APBA1: variants seen among roughly 807,000 people sequenced by gnomAD.
The protein encoded by APBA1 is amyloid beta precursor protein binding family A member 1.
A neutral mutation model predicts 86.6 loss-of-function variants in APBA1; 55 were observed. That is an observed-to-expected ratio of 0.64 (90% CI 0.51 to 0.80). APBA1 has a LOEUF of 0.80. APBA1 is among the 30% of genes least tolerant of loss of function. APBA1 has a pLI of 0.00. For missense variants in APBA1, 1,090 were observed against 1,183.0 expected (o/e 0.92, Z 1.15); for synonymous variants, 511 against 493.9 (o/e 1.03, Z -0.46).
At chr9:69,529,644 GT>G (rs1168727420) in intron 1 of APBA1, among the ~76,000 whole-genome samples, 5 of 152,066 alleles carry the variant, frequency 3.3e-5, no homozygotes, top group Non-Finnish European at 1.5e-5. Flanking sequence ...TCCAAATGTG[GT>G]TTTGAAGATC....
At chr9:69,477,472 G>A (rs1475184200) in intron 2 of APBA1, among the ~76,000 whole-genome samples, 11 of 123,714 alleles carry the variant, frequency 8.9e-5, no homozygotes, top group Admixed American at 8.4e-4. Flanking sequence ...AGGGTCCTAC[G>A]CCCACGGAGT....
chr9:69,658,893 T>C (rs1020696261), intron 1 of APBA1, among the ~76,000 whole-genome samples: 1 of 152,052 alleles, frequency 6.6e-6, no homozygotes, highest in Non-Finnish European at 1.5e-5. Context: ...ACCAACCCCA[T>C]AGATTCAGGC....
At chr9:69,595,853 T>A (rs187158185) in intron 1 of APBA1, among the ~76,000 whole-genome samples, 56 of 152,258 alleles carry the variant, frequency 3.7e-4, no homozygotes, top group Admixed American at 2.0e-3. Flanking sequence ...CACACCGGTT[T>A]TCAAACTGTG....
chr9:69,656,914 T>C lies in APBA1; in HGVS notation c.-70+15239A>G, dbSNP rs182187741. On this transcript the variant is annotated intron_variant, in intron 1 of 12. Transcript: ENST00000265381. ...ACTGCGGACTGCAGTGGCGCTGTCT[T>C]GGCTCACTGCAAGCTCCGCTTCCCG... Among the ~76,000 whole-genome samples, 487 of 151,494 alleles carry C rather than the reference T, an allele frequency of 3.2e-3. 4 individuals carry two copies. Among genetic ancestry groups the C allele is most frequent in the African/African-American group, 0.011 (460 of 41,092 alleles).
At chr9:69,570,861 A>T (rs1054534503) in intron 1 of APBA1, among the ~76,000 whole-genome samples, 18 of 152,114 alleles carry the variant, frequency 1.2e-4, no homozygotes. Flanking sequence ...TAGAACTTCC[A>T]TTTTCCCTCT....
intron 1 of APBA1, among the ~76,000 whole-genome samples, chr9:69,600,806 T>TAATTAATAAATA (rs1554705349): frequency 1.4e-5 from 2 of 143,684 alleles, no homozygotes; most frequent in African/African-American, 5.2e-5. Context: ...CAAAAAATAA[T>TAATTAATAAATA]AATAAATAAA....
intron 2 of APBA1, among the ~76,000 whole-genome samples, chr9:69,497,238 G>GCA (rs1835813632): frequency 2.0e-5 from 3 of 152,090 alleles, no homozygotes; most frequent in Non-Finnish European, 4.4e-5. Flanking sequence ...GCAGCACAAA[G>GCA]GCGGTTGAGA....
rs375280475 is a variant in APBA1 at position 69,441,030 on chromosome 9, C to G, written c.2267G>C (p.Arg756Pro). 1 of 1,613,914 alleles carries G rather than the reference C, an allele frequency of 6.2e-7. No individual in the cohort carries two copies. The highest frequency in any genetic ancestry group is 8.5e-7 in the Non-Finnish European group (1 of 1,180,014). The change falls in exon 11 of 13, where the codon CGC becomes CCC. Residue 756 changes from arginine (R) to proline (P), a missense_variant. By Grantham distance (103) the Arg-to-Pro change is moderately radical (BLOSUM62 -2). Around this residue, in one of 6 missense-constraint regions of APBA1, gnomAD observed 119 missense variants for 124.8 expected, o/e 0.95. Transcript: ENST00000265381. ...TTVLIRRPDL[R>P]YQLGFSVQNG... Reference sequence around the variant, plus strand: ...CTGGACGCTGAAACCGAGCTGGTAGCGAAGGTCTGGTCTTCTGATTAACAC... The same window carrying G: ...CTGGACGCTGAAACCGAGCTGGTAGGGAAGGTCTGGTCTTCTGATTAACAC...
intron 2 of APBA1, among the ~76,000 whole-genome samples, chr9:69,505,683 T>G (rs1181638981): frequency 6.6e-6 from 1 of 152,100 alleles, no homozygotes; most frequent in Non-Finnish European, 1.5e-5. Flanking sequence ...CTCGAATGAT[T>G]CTGTTGCCTA....
At chr9:69,634,315 G>C (rs1422627842) in intron 1 of APBA1, among the ~76,000 whole-genome samples, 1 of 152,158 alleles carries the variant, frequency 6.6e-6, no homozygotes, top group Non-Finnish European at 1.5e-5. Flanking sequence ...CAGAACTCAG[G>C]TGGCACCCAT....
At chr9:69,568,619 C>G (rs1416384433) in intron 1 of APBA1, among the ~76,000 whole-genome samples, 1 of 152,146 alleles carries the variant, frequency 6.6e-6, no homozygotes, top group Non-Finnish European at 1.5e-5. Flanking sequence ...AAGTGTGAAA[C>G]TCATTCATAT....
intron 2 of APBA1, among the ~76,000 whole-genome samples, chr9:69,515,240 C>A (rs1035115842): frequency 6.6e-6 from 1 of 152,174 alleles, no homozygotes; most frequent in Admixed American, 6.5e-5. Flanking sequence ...TCCACATTCC[C>A]ATTCTTTCTT....
At chr9:69,562,747 A>G (rs529159766) in intron 1 of APBA1, among the ~76,000 whole-genome samples, 65 of 152,292 alleles carry the variant, frequency 4.3e-4, no homozygotes, top group African/African-American at 1.5e-3. Context: ...AACCAACAAT[A>G]CATTATGTAT....
intron 2 of APBA1, among the ~76,000 whole-genome samples, chr9:69,511,725 A>G (rs1029351527): frequency 2.6e-5 from 4 of 151,654 alleles, no homozygotes; most frequent in African/African-American, 9.7e-5. Context: ...CATATACACC[A>G]TGGAATACTA....
At position 69,577,068 on chromosome 9, in the gene APBA1, G is replaced by A. The variant is rs114130298; in HGVS notation, c.-69-59789C>T. Among the ~76,000 whole-genome samples the A allele has an allele frequency of 8.0e-3, 1,221 of 152,160 alleles. 14 individuals are homozygous for A. The highest frequency in any genetic ancestry group is 0.028 in the African/African-American group (1,153 of 41,510). On this transcript the variant is annotated intron_variant, in intron 1 of 12. Coordinates refer to ENST00000265381, the MANE Select transcript of APBA1 (RefSeq NM_001163.4). ...TGTTTTGATATGTATAAAGTATAGTGATCAGATCAGGGTAATTAGCATATC... is the reference window on the plus strand; with the variant it reads ...TGTTTTGATATGTATAAAGTATAGTAATCAGATCAGGGTAATTAGCATATC...
chr9:69,530,343 C>CAT (rs1564068284), intron 1 of APBA1, among the ~76,000 whole-genome samples: 40 of 146,632 alleles, frequency 2.7e-4, no homozygotes, highest in African/African-American at 6.9e-4. Context: ...CACACACACA[C>CAT]ACACACACAC....
chr9:69,672,460 G>A (rs549167775), upstream of APBA1, among the ~76,000 whole-genome samples: 432 of 149,124 alleles, frequency 2.9e-3, 2 homozygotes, highest in Admixed American at 6.8e-3. Context: ...GCGGGCCTGC[G>A]AGGGAGGGCG....
At position 69,550,310 on chromosome 9, in the gene APBA1, GTTC is replaced by G. The variant is rs150295976; in HGVS notation, c.-69-33034_-69-33032del. ...ATGATATAAACATGAGTTAGATTGA[GTTC>G]TTCTTCCTCCTTTCCTTTTAAATGC... On this transcript the variant is annotated intron_variant, in intron 1 of 12. Coordinates refer to ENST00000265381, the MANE Select transcript of APBA1 (RefSeq NM_001163.4). Among the ~76,000 whole-genome samples, 449 of 152,238 alleles carry G rather than the reference GTTC, an allele frequency of 2.9e-3. 1 individual carries two copies. The highest frequency in any genetic ancestry group is 1.0e-2 in the African/African-American group (415 of 41,544).
At chr9:69,658,286 C>CTTTTTCTTTCTTTCTTTCTTTCTT in intron 1 of APBA1, among the ~76,000 whole-genome samples, 1 of 74,244 alleles carries the variant, frequency 1.3e-5, no homozygotes, top group Admixed American at 1.5e-4. Flanking sequence ...CTTTCTTTCT[C>CTTTTTCTTTCTTTCTTTCTTTCTT]TCTCTCTTTC....
Sources: allele counts gnomAD v4.1 joint callset (sites outside exome capture counted in the v4.1 genomes callset), GRCh38; gene constraint gnomAD v4.1.1; regional missense constraint gnomAD v4.1.1; transcripts MANE v1.5; gene names NCBI Gene and HGNC (gene_info 2026-07-23, HGNC 2026-07-21).